Variants in WDR36 observed in about 807,000 individuals in gnomAD.
The protein encoded by WDR36 is WD repeat-containing protein 36.
WDR36 carries 63 observed loss-of-function variants against 112.7 expected under a neutral mutation model. That is an observed-to-expected ratio of 0.56 (90% CI 0.46 to 0.69). WDR36 has a LOEUF of 0.69. Among genes scored for constraint, WDR36 ranks in the 30% least tolerant of loss-of-function variants. The pLI is 0.00. For missense variants in WDR36, 1,226 were observed against 1,070.3 expected, an observed-to-expected ratio of 1.15 and a Z score of -2.03; for synonymous variants, 410 against 362.2, an observed-to-expected ratio of 1.13 and a Z score of -1.50.
chr5:111,092,453 G>A lies in WDR36; in HGVS notation c.-4G>A, dbSNP rs1438977711. ...AGCTGAGAGGAGCTGGGATCGCGGC[G>A]GCAATGGAACGGGCCTCAGAAAGGC... On this transcript the variant is annotated 5_prime_UTR_variant, in exon 1 of 23. Coordinates refer to ENST00000513710, the MANE Select transcript of WDR36 (RefSeq NM_139281.3). 2 of 1,614,210 alleles carry A rather than the reference G, an allele frequency of 1.2e-6. No homozygotes were observed. Among genetic ancestry groups the A allele is most frequent in the Non-Finnish European group, 1.7e-6 (2 of 1,180,036 alleles).
Position 111,113,048 on chromosome 5 carries a change from ATATATT to A in WDR36, c.1717-24_1717-19del, listed in dbSNP as rs1561706949. Reference sequence around the variant, plus strand: ...TTATATATAAATAATATATATATATATATATTTTTTTTTTTTAATTTAAAGGCTTTT... The same window carrying A: ...TTATATATAAATAATATATATATATATTTTTTTTTTAATTTAAAGGCTTTT... On this transcript the variant is annotated intron_variant, in intron 15 of 22. Coordinates refer to ENST00000513710, the MANE Select transcript of WDR36 (RefSeq NM_139281.3). 1.0e-4 allele frequency: 46 copies of A among 457,930 alleles called. 3 individuals carry two copies. Among genetic ancestry groups the A allele is most frequent in the East Asian group, 1.2e-4 (2 of 16,062 alleles). 28.4% of individuals were successfully genotyped at this position (457,930 alleles called of 1,614,324 possible).
rs372114178 is a variant in WDR36 at position 111,098,768 on chromosome 5, A to T, written c.338A>T (p.Gln113Leu). The T allele has an allele frequency of 4.3e-6, 7 of 1,612,878 alleles. No homozygotes were observed. In the African/African-American group the frequency reaches 8.0e-5, roughly 18 times the overall value. The part of the protein sequence containing the change: ...KGHKAEIHFL[Q>L]PFGDHIISVD... Reference sequence around the variant, plus strand: ...CATAAGGCAGAAATCCATTTCTTGCAACCCTTTGGAGACCACATTATCTCT... The same window carrying T: ...CATAAGGCAGAAATCCATTTCTTGCTACCCTTTGGAGACCACATTATCTCT... The change falls in exon 4 of 23, where the codon CAA becomes CTA. Residue 113 changes from glutamine to leucine, a missense_variant. Gln to Leu is a moderately radical substitution (Grantham distance 113, BLOSUM62 -2). Transcript: ENST00000513710.
Position 111,104,678 on chromosome 5 carries a change from C to T in WDR36, c.907-19C>T, listed in dbSNP as rs184456106. ...AGATGGAACATTGTAGAAGAACTGACGTTTTTATTTCTTGGCAGATATGGA... is the reference window on the plus strand; with the variant it reads ...AGATGGAACATTGTAGAAGAACTGATGTTTTTATTTCTTGGCAGATATGGA... On this transcript the variant is annotated intron_variant, in intron 8 of 22. Transcript: ENST00000513710. The T allele has an allele frequency of 1.5e-5, 24 of 1,610,576 alleles. No homozygotes were observed. Among genetic ancestry groups the T allele is most frequent in the East Asian group, 2.2e-5 (1 of 44,796 alleles).
intron 13 of WDR36, 116 bp from the exon 14 acceptor site, chr5:111,110,672 T>C: frequency 1.7e-6 from 2 of 1,150,410 alleles, no homozygotes; most frequent in Non-Finnish European, 2.5e-6. Context: ...TTCAAGATTT[T>C]AAAGGATATT....
At chr5:111,110,444 T>G in intron 13 of WDR36, 141 bp downstream of exon 13, 1 of 734,620 alleles carries the variant, frequency 1.4e-6, no homozygotes, top group South Asian at 1.6e-5. Context: ...TGGCAGATAC[T>G]GCAATTGTAT....
chr5:111,112,032 G>GA (rs1192864355), intron 15 of WDR36, among the ~76,000 whole-genome samples: 5 of 151,454 alleles, frequency 3.3e-5, no homozygotes, highest in South Asian at 2.1e-4. Context: ...CAAAATTGAA[G>GA]AAAAAAAACA....
intron 19 of WDR36, 84 bp from the exon 20 acceptor site, chr5:111,123,721 T>C (rs771294236): frequency 1.2e-5 from 18 of 1,539,508 alleles, no homozygotes; most frequent in Non-Finnish European, 1.4e-5. Context: ...TTTTGGTATT[T>C]GTTTTAAAAT....
In WDR36 at chr5:111,129,800, C is replaced by T. The variant is rs1414944968; in HGVS notation, c.*2917C>T. ...GTATGTTTTCCTATGTTTACATGTGCTCATTTCACGTCATGTATTTTCCTC... is the reference window on the plus strand; with the variant it reads ...GTATGTTTTCCTATGTTTACATGTGTTCATTTCACGTCATGTATTTTCCTC... On this transcript the variant is annotated 3_prime_UTR_variant, in exon 23 of 23. Coordinates refer to ENST00000513710, the MANE Select transcript of WDR36 (RefSeq NM_139281.3). 6 of 204,664 alleles carry T rather than the reference C, an allele frequency of 2.9e-5. No individual in the cohort carries two copies. In the Admixed American group the frequency reaches 3.0e-4, roughly 10 times the overall value. 12.7% of individuals were successfully genotyped at this position (204,664 alleles called of 1,614,324 possible).
chr5:111,125,480 AAATT>A (rs1257237592), intron 21 of WDR36, 124 bp from the exon 22 acceptor site: 1 of 970,176 alleles, frequency 1.0e-6, no homozygotes, highest in Non-Finnish European at 1.5e-6. Context: ...TAATATGAAA[AAATT>A]AACCCACAGG....
chr5:111,119,258 C>T lies in WDR36; in HGVS notation c.1904+138C>T, dbSNP rs17132798. On this transcript the variant is annotated intron_variant, in intron 17 of 22. Coordinates refer to ENST00000513710, the MANE Select transcript of WDR36 (RefSeq NM_139281.3). ...CACAAGTTAACACAGATACTTAATT[C>T]ACTGTAAGTCTGAGTGATTCAACAT... is the stretch of plus-strand genomic sequence containing the variant. 9.5e-3 allele frequency: 7,034 copies of T among 740,462 alleles called. 345 individuals are homozygous for T. The African/African-American group carries it at 0.11, about 12-fold the overall frequency. 45.9% of individuals were successfully genotyped at this position (740,462 alleles called of 1,614,324 possible). A position where few individuals can be genotyped will look rare whatever the true frequency, so the allele number is the denominator to read the frequency against.
At chr5:111,118,481 T>A (rs1263483738) in intron 16 of WDR36, among the ~76,000 whole-genome samples, 1 of 152,202 alleles carries the variant, frequency 6.6e-6, no homozygotes, top group African/African-American at 2.4e-5. Context: ...AGAGACTGAA[T>A]TTTCATGGTG....
intron 20 of WDR36, 64 bp from the exon 21 acceptor site, chr5:111,124,043 AC>A: frequency 6.2e-7 from 1 of 1,600,244 alleles, no homozygotes; most frequent in Non-Finnish European, 8.6e-7. Context: ...GCTTTTAATT[AC>A]AAACTATACA....
chr5:111,118,139 G>A (rs139132730), intron 16 of WDR36, among the ~76,000 whole-genome samples: 1 of 152,220 alleles, frequency 6.6e-6, no homozygotes, highest in Non-Finnish European at 1.5e-5. Context: ...ACAAACTCAG[G>A]TGTTTGATAT....
At chr5:111,104,623 T>C (rs1365663764) in intron 8 of WDR36, 74 bp from the exon 9 acceptor site, 1 of 1,606,120 alleles carries the variant, frequency 6.2e-7, no homozygotes, top group Admixed American at 1.7e-5. Context: ...AGTTGATTTA[T>C]GTAGGGGGTG....
At chr5:111,098,089 G>C (rs1277485021) in intron 3 of WDR36, among the ~76,000 whole-genome samples, 1 of 152,148 alleles carries the variant, frequency 6.6e-6, no homozygotes, top group Admixed American at 6.6e-5. Context: ...GGTGTGGTCA[G>C]GGTTAGGGGA....
intron 2 of WDR36, 144 bp downstream of exon 2, chr5:111,095,091 G>T (rs1219926081): frequency 5.4e-6 from 4 of 737,496 alleles, no homozygotes; most frequent in Non-Finnish European, 8.9e-6. Context: ...AAAAAAGGGT[G>T]CCAGGATAAA....
At chr5:111,115,455 A>C (rs1484372276) in intron 16 of WDR36, among the ~76,000 whole-genome samples, 1 of 152,198 alleles carries the variant, frequency 6.6e-6, no homozygotes, top group African/African-American at 2.4e-5. Flanking sequence ...TGATTTGCCC[A>C]AGGTGACTTA....
intron 1 of WDR36, 138 bp downstream of exon 1, chr5:111,092,756 C>T (rs1317549616): frequency 1.7e-6 from 2 of 1,157,014 alleles, no homozygotes; most frequent in Admixed American, 2.0e-5. Context: ...ATTAATATTT[C>T]GCCATCCGGT....
intron 4 of WDR36, among the ~76,000 whole-genome samples, chr5:111,099,147 A>C (rs547137608): frequency 6.6e-6 from 1 of 152,234 alleles, no homozygotes; most frequent in African/African-American, 2.4e-5. Flanking sequence ...GTATTTTCAT[A>C]CCTGAGTAAT....
Sources: allele counts gnomAD v4.1 joint callset (sites outside exome capture counted in the v4.1 genomes callset), GRCh38; gene constraint gnomAD v4.1.1; transcripts MANE v1.5; gene names NCBI Gene and HGNC (gene_info 2026-07-23, HGNC 2026-07-21).